Variants in HHIP observed in about 807,000 individuals in gnomAD.
HHIP encodes the protein hedgehog interacting protein.
In HHIP, 12 loss-of-function variants were observed where a neutral mutation model predicts 74.0. That is an observed-to-expected ratio of 0.16 (90% CI 0.10 to 0.26). The LOEUF (loss-of-function observed/expected upper bound fraction) is 0.26. Ranked by LOEUF, HHIP falls within the 10% of genes least tolerant of loss-of-function variation. The probability of loss-of-function intolerance (pLI) is 1.00; values close to 1 mark genes in which losing one functional copy is unlikely to be tolerated. For missense variants in HHIP, 788 were observed against 845.0 expected (o/e 0.93, Z 0.84); for synonymous variants, 309 against 311.6 (o/e 0.99, Z 0.09).
At chr4:144,695,264 T>G (rs1210019267) in intron 4 of HHIP, among the ~76,000 whole-genome samples, 1 of 151,896 alleles carries the variant, frequency 6.6e-6, no homozygotes, top group Non-Finnish European at 1.5e-5. Context: ...ATTTCCTTTA[T>G]TCTGTGGCAT....
chr4:144,687,131 A>G (rs1729514267), intron 4 of HHIP, among the ~76,000 whole-genome samples: 1 of 152,092 alleles, frequency 6.6e-6, no homozygotes, highest in Non-Finnish European at 1.5e-5. Context: ...CAGCTTCATA[A>G]TGTCACAAAT....
At chr4:144,705,263 T>C (rs1730102084) in intron 4 of HHIP, among the ~76,000 whole-genome samples, 2 of 152,226 alleles carry the variant, frequency 1.3e-5, no homozygotes, top group African/African-American at 2.4e-5. Context: ...AAATAAGAAC[T>C]ACAAACAGTT....
intron 4 of HHIP, among the ~76,000 whole-genome samples, chr4:144,669,610 C>G (rs1009920038): frequency 1.3e-5 from 2 of 152,182 alleles, no homozygotes; most frequent in East Asian, 3.9e-4. Context: ...TATCATACCT[C>G]TATGTAGTAG....
chr4:144,684,522 G>A (rs1024623990), intron 4 of HHIP, among the ~76,000 whole-genome samples: 3 of 151,056 alleles, frequency 2.0e-5, no homozygotes, highest in Non-Finnish European at 2.9e-5. Context: ...CTCGTGATCC[G>A]CCCGCCTCGG....
intron 7 of HHIP, among the ~76,000 whole-genome samples, chr4:144,711,076 C>T (rs1008392525): frequency 1.8e-4 from 27 of 152,062 alleles, no homozygotes; most frequent in African/African-American, 6.5e-4. Context: ...CTGTCAGTGG[C>T]TTAAGTCACA....
At chr4:144,658,050 A>C (rs1728599153) in intron 2 of HHIP, among the ~76,000 whole-genome samples, 2 of 152,144 alleles carry the variant, frequency 1.3e-5, no homozygotes, top group Non-Finnish European at 2.9e-5. Context: ...CAAAACTGGC[A>C]CCTGATGGCC....
chr4:144,670,764 GAAAAAAAAAAA>G (rs1167213848), intron 4 of HHIP, among the ~76,000 whole-genome samples: 10 of 54,908 alleles, frequency 1.8e-4, no homozygotes, highest in African/African-American at 6.6e-4. Context: ...CTTAAGATTT[GAAAAAAAAAAA>G]AAAAAAAAAA....
intron 4 of HHIP, among the ~76,000 whole-genome samples, chr4:144,664,228 T>G (rs957741462): frequency 2.0e-5 from 3 of 152,210 alleles, no homozygotes; most frequent in Non-Finnish European, 2.9e-5. Context: ...GACGTGAGGC[T>G]GAAAGCTGCT....
intron 4 of HHIP, among the ~76,000 whole-genome samples, chr4:144,664,400 T>A (rs904835620): frequency 1.3e-5 from 2 of 152,296 alleles, no homozygotes; most frequent in South Asian, 2.1e-4. Context: ...CAAACATAAT[T>A]ATGAGTATCA....
At chr4:144,686,236 T>C (rs1335161914) in intron 4 of HHIP, among the ~76,000 whole-genome samples, 1 of 152,174 alleles carries the variant, frequency 6.6e-6, no homozygotes, top group African/African-American at 2.4e-5. Context: ...TATAATTAAG[T>C]TCGGTATCCT....
chr4:144,677,612 G>A (rs1352331968), intron 4 of HHIP, among the ~76,000 whole-genome samples: 1 of 152,176 alleles, frequency 6.6e-6, no homozygotes, highest in African/African-American at 2.4e-5. Context: ...TCGAGGTGTT[G>A]TTAGTAGAGA....
At chr4:144,686,498 T>C (rs1444084447) in intron 4 of HHIP, among the ~76,000 whole-genome samples, 1 of 152,088 alleles carries the variant, frequency 6.6e-6, no homozygotes, top group Admixed American at 6.6e-5. Context: ...GGATTAAAGA[T>C]GGTATTGAAA....
chr4:144,684,115 G>C (rs929099964), intron 4 of HHIP, among the ~76,000 whole-genome samples: 5 of 149,510 alleles, frequency 3.3e-5, no homozygotes, highest in African/African-American at 4.9e-5. Flanking sequence ...ACTCACGCCT[G>C]TAATCTCAGC....
intron 4 of HHIP, among the ~76,000 whole-genome samples, chr4:144,685,317 T>C (rs185925057): frequency 9.9e-4 from 151 of 152,348 alleles, no homozygotes; most frequent in Non-Finnish European, 1.0e-4. Context: ...ATAGTTGTAC[T>C]AGGACATAGA....
chr4:144,653,066 G>A (rs1269763135), intron 2 of HHIP, among the ~76,000 whole-genome samples: 1 of 152,068 alleles, frequency 6.6e-6, no homozygotes, highest in East Asian at 1.9e-4. Context: ...CAGATTACAG[G>A]TGGTAATCTT....
intron 6 of HHIP, among the ~76,000 whole-genome samples, chr4:144,707,646 C>CAAAAA (rs6148709): frequency 5.2e-5 from 3 of 57,166 alleles, no homozygotes; most frequent in East Asian, 6.3e-4. Flanking sequence ...AGAACAGAGG[C>CAAAAA]AAAAAAAAAA....
At chr4:144,668,861 T>G (rs1040047483) in intron 4 of HHIP, among the ~76,000 whole-genome samples, 3 of 152,160 alleles carry the variant, frequency 2.0e-5, no homozygotes, top group Non-Finnish European at 4.4e-5. Context: ...GACAAATTTT[T>G]TATATAAAGT....
intron 4 of HHIP, among the ~76,000 whole-genome samples, chr4:144,689,267 T>C (rs947673295): frequency 6.6e-6 from 1 of 152,222 alleles, no homozygotes; most frequent in African/African-American, 2.4e-5. Context: ...GATGATGTCG[T>C]ACATTATAAA....
intron 4 of HHIP, among the ~76,000 whole-genome samples, chr4:144,675,726 A>G (rs1434494629): frequency 6.6e-6 from 1 of 152,158 alleles, no homozygotes; most frequent in Admixed American, 6.6e-5. Context: ...GTATTGTTTA[A>G]TGAAATATTA....
Sources: gnomAD v4.1 joint callset for allele counts (sites outside exome capture counted in the v4.1 genomes callset) on GRCh38, gnomAD v4.1.1 for gene constraint, MANE v1.5 for transcripts, NCBI Gene and HGNC (gene_info 2026-07-23, HGNC 2026-07-21) for gene names.